Variants in FRMD3 observed in about 807,000 individuals in gnomAD.
The protein encoded by FRMD3 is FERM domain-containing protein 3.
A neutral mutation model predicts 70.2 loss-of-function variants in FRMD3; 33 were observed. The ratio of observed to expected loss-of-function variants is 0.47; its 90% CI spans 0.36 to 0.63. FRMD3 has a LOEUF of 0.63. FRMD3 is among the 20% of genes least tolerant of loss of function. The probability of loss-of-function intolerance (pLI) is 0.00; values close to 1 mark genes in which losing one functional copy is unlikely to be tolerated. For synonymous variants in FRMD3, 279 were observed against 255.9 expected (o/e 1.09, Z -0.86); for missense variants, 632 against 711.4 (o/e 0.89, Z 1.27).
chr9:83,424,922 A>G (rs1242565457), intron 1 of FRMD3, among the ~76,000 whole-genome samples: 1 of 152,200 alleles, frequency 6.6e-6, no homozygotes, highest in Admixed American at 6.5e-5. Context: ...TGCAACTCAT[A>G]CTGGTTTTAT....
intron 1 of FRMD3, among the ~76,000 whole-genome samples, chr9:83,416,304 C>T (rs1381976052): frequency 1.3e-5 from 2 of 152,214 alleles, no homozygotes; most frequent in Non-Finnish European, 2.9e-5. Context: ...TGGATTCTTG[C>T]GTTTCACAAG....
At position 83,538,152 on chromosome 9, in the gene FRMD3, G is replaced by A; in HGVS notation, c.80C>T (p.Ser27Leu). 1.9e-6 allele frequency: 3 copies of A among 1,613,400 alleles called. No individual in the cohort carries two copies. The highest frequency in any genetic ancestry group is 1.1e-5 in the South Asian group (1 of 90,886). ...MIHFRSSSVK[S>L]LSQEMRCTIR... ...GGTGCATCTCATCTCCTGGCTGAGC[G>A]ATTTGACGCTGGAGCTCCGAAAGTG... Residue 27 changes from serine (S) to leucine (L), a missense_variant, in exon 1 of 14, where the codon TCG becomes TTG. By Grantham distance (145) the Ser-to-Leu change is moderately radical (BLOSUM62 -2). Around this residue, in one of 3 missense-constraint regions of FRMD3, gnomAD observed 208 missense variants for 247.7 expected, o/e 0.84. Transcript: ENST00000304195. The surrounding 1 kb of genome is among the most constrained non-coding windows in gnomAD (Gnocchi z 4.7).
chr9:83,445,749 C>T (rs1473342344), intron 1 of FRMD3, among the ~76,000 whole-genome samples: 1 of 152,130 alleles, frequency 6.6e-6, no homozygotes, highest in Non-Finnish European at 1.5e-5. Context: ...AATGTTTGCA[C>T]TTTGAGGAAT....
chr9:83,379,090 G>A lies in FRMD3; in HGVS notation c.253-6135C>T, dbSNP rs1173734292. Among the ~76,000 whole-genome samples, 7 of 151,538 alleles carry A rather than the reference G, an allele frequency of 4.6e-5. No individual in the cohort carries two copies. The Admixed American group carries it at 4.6e-4, about 10-fold the overall frequency. On this transcript the variant is annotated intron_variant, in intron 2 of 13. Coordinates refer to ENST00000304195, the MANE Select transcript of FRMD3 (RefSeq NM_174938.6). ...CACTCTCCCTTCTGTTCAACATGAG[G>A]AGATTAATTATCTATACAATTGCAA...
chr9:83,416,766 TCTCTCTCTCTCTCTCTCTCTCA>T (rs1312910362), intron 1 of FRMD3, among the ~76,000 whole-genome samples: 23 of 119,552 alleles, frequency 1.9e-4, no homozygotes, highest in African/African-American at 5.8e-4. Context: ...TCTCTCTCTC[TCTCTCTCTCTCTCTCTCTCTCA>T]CTCTCTCTCT....
At chr9:83,382,345 T>C (rs1825383216) in intron 2 of FRMD3, among the ~76,000 whole-genome samples, 1 of 152,242 alleles carries the variant, frequency 6.6e-6, no homozygotes, top group African/African-American at 2.4e-5. Flanking sequence ...GGTAATCATG[T>C]GACTTAGCTC....
At chr9:83,559,406 C>T in the FRMD3 span, among the ~76,000 whole-genome samples, 8 of 152,270 alleles carry the variant, frequency 5.3e-5, no homozygotes, top group African/African-American at 1.9e-4. Context: ...TAATAGACTA[C>T]AGTATTCTGT....
At position 83,248,529 on chromosome 9, in the gene FRMD3, A is replaced by ATT. The variant is rs199655741; in HGVS notation, c.1196-15_1196-14dup. On this transcript the variant is annotated splice_polypyrimidine_tract_variant and intron_variant, in intron 13 of 13. Transcript: ENST00000304195. Reference sequence around the variant, plus strand: ...GGCAATGGAACACCTGTAAAGAGACATTTTTTTTTCTAAATTTAAAATTTC... The same window carrying ATT: ...GGCAATGGAACACCTGTAAAGAGACATTTTTTTTTTTCTAAATTTAAAATTTC... The ATT allele has an allele frequency of 1.3e-6, 2 of 1,522,440 alleles. No homozygotes were observed. The highest frequency in any genetic ancestry group is 4.5e-5 in the Admixed American group (2 of 44,832). The allele number at this position is 1,522,440 out of a possible 1,614,324, so 94.3% of individuals were successfully genotyped here.
At chr9:83,297,675 G>T in intron 12 of FRMD3, 3 of 464,712 alleles carry the variant, frequency 6.5e-6, no homozygotes. Context: ...GCACCAACAT[G>T]CCTGGAGCCA....
the FRMD3 span, among the ~76,000 whole-genome samples, chr9:83,546,951 T>C: frequency 7.5e-6 from 1 of 133,750 alleles, no homozygotes; most frequent in African/African-American, 2.8e-5. Flanking sequence ...GATCCAACAA[T>C]ATGTTGCTCA....
At chr9:83,550,188 A>G in the FRMD3 span, among the ~76,000 whole-genome samples, 2 of 152,094 alleles carry the variant, frequency 1.3e-5, no homozygotes, top group Non-Finnish European at 2.9e-5. Context: ...TTATCCCAGA[A>G]CCATTTATTG....
intron 1 of FRMD3, among the ~76,000 whole-genome samples, chr9:83,391,535 T>C (rs1825664986): frequency 6.6e-6 from 1 of 152,182 alleles, no homozygotes; most frequent in African/African-American, 2.4e-5. Flanking sequence ...ATTGTAATAA[T>C]ATGGGATTGA....
chr9:83,391,573 C>T (rs1825666435), intron 1 of FRMD3, among the ~76,000 whole-genome samples: 1 of 152,182 alleles, frequency 6.6e-6, no homozygotes, highest in Non-Finnish European at 1.5e-5. Context: ...ATGACAGATA[C>T]TGCTGTCATT....
At chr9:83,555,609 G>T in the FRMD3 span, among the ~76,000 whole-genome samples, 1 of 152,230 alleles carries the variant, frequency 6.6e-6, no homozygotes, top group East Asian at 1.9e-4. Flanking sequence ...CTTATCTTGT[G>T]AAGTGTCATG....
At chr9:83,337,944 A>C (rs1050784773) in intron 5 of FRMD3, among the ~76,000 whole-genome samples, 1 of 152,242 alleles carries the variant, frequency 6.6e-6, no homozygotes, top group African/African-American at 2.4e-5. Context: ...TTTCTGTTTA[A>C]TAAAGGACAT....
At chr9:83,400,109 C>T (rs892088720) in intron 1 of FRMD3, among the ~76,000 whole-genome samples, 2 of 151,896 alleles carry the variant, frequency 1.3e-5, no homozygotes, top group African/African-American at 4.8e-5. Flanking sequence ...CTGCAGATGA[C>T]ATCAGATGTT....
intron 1 of FRMD3, among the ~76,000 whole-genome samples, chr9:83,474,149 G>A (rs908640952): frequency 2.8e-4 from 43 of 152,068 alleles, no homozygotes; most frequent in African/African-American, 1.0e-3. Flanking sequence ...AATCACTACC[G>A]CATCCTTCAA....
intron 2 of FRMD3, among the ~76,000 whole-genome samples, chr9:83,375,405 G>A (rs116465954): frequency 0.013 from 1,939 of 152,204 alleles, 32 homozygotes; most frequent in African/African-American, 0.044. Context: ...TGCCTTTCAG[G>A]CCTGGTGTAT....
At chr9:83,414,636 T>C (rs911399995) in intron 1 of FRMD3, among the ~76,000 whole-genome samples, 3 of 152,178 alleles carry the variant, frequency 2.0e-5, no homozygotes, top group African/African-American at 7.2e-5. Flanking sequence ...CTCCTACACA[T>C]AAGCAGAAAG....
Sources: allele counts gnomAD v4.1 joint callset (sites outside exome capture counted in the v4.1 genomes callset), GRCh38; gene constraint gnomAD v4.1.1; regional missense constraint gnomAD v4.1.1; non-coding constraint Gnocchi (gnomAD v3.1); transcripts MANE v1.5; gene names NCBI Gene and HGNC (gene_info 2026-07-23, HGNC 2026-07-21).